Variants in WIF1 observed in about 807,000 individuals in gnomAD.
The protein encoded by WIF1 is Wnt inhibitory factor 1.
A neutral mutation model predicts 53.5 loss-of-function variants in WIF1; 35 were observed. That is an observed-to-expected ratio of 0.65 (90% CI 0.50 to 0.87). The LOEUF (loss-of-function observed/expected upper bound fraction) is 0.87. Ranked by LOEUF, WIF1 falls within the 40% of genes least tolerant of loss-of-function variation. The pLI, the probability that WIF1 is intolerant of heterozygous loss-of-function variation, is 0.00. For synonymous variants in WIF1, 171 were observed against 170.4 expected (o/e 1.00, Z -0.03); for missense variants, 467 against 476.8 (o/e 0.98, Z 0.19).
intron 2 of WIF1, among the ~76,000 whole-genome samples, chr12:65,079,271 TAAAATGAA>T (rs1882912586): frequency 6.6e-6 from 1 of 150,934 alleles, no homozygotes; most frequent in South Asian, 2.1e-4. Context: ...ATGACTTTGA[TAAAATGAA>T]CTCCTTGAGA....
chr12:65,107,845 C>T (rs1883373060), intron 2 of WIF1, among the ~76,000 whole-genome samples: 1 of 152,216 alleles, frequency 6.6e-6, no homozygotes, highest in Non-Finnish European at 1.5e-5. Flanking sequence ...GAAGAACTGA[C>T]TTGCTCTGTC....
chr12:65,081,668 G>T (rs1418995502), intron 2 of WIF1, among the ~76,000 whole-genome samples: 3 of 152,036 alleles, frequency 2.0e-5, no homozygotes, highest in Non-Finnish European at 4.4e-5. Context: ...TTCTTTCTTG[G>T]ATCTTATCAG....
Position 65,120,690 on chromosome 12 carries a change from C to T in WIF1, c.149-134G>A, listed in dbSNP as rs939527244. The T allele has an allele frequency of 3.6e-5, 37 of 1,023,830 alleles. No homozygotes were observed. In the African/African-American group the frequency reaches 5.8e-4, roughly 16 times the overall value. The allele number at this position is 1,023,830 out of a possible 1,614,324, so 63.4% of individuals were successfully genotyped here. ...CACAAGCATCTGCCTTCAGTACCAT[C>T]AACGCTACTAAGATTAATTTTTCTC... On this transcript the variant is annotated intron_variant, in intron 1 of 9. Coordinates refer to ENST00000286574, the MANE Select transcript of WIF1 (RefSeq NM_007191.5).
intron 7 of WIF1, among the ~76,000 whole-genome samples, chr12:65,061,933 T>G (rs1882618128): frequency 6.6e-6 from 1 of 152,244 alleles, no homozygotes; most frequent in Admixed American, 6.5e-5. Context: ...CTGGTTACTT[T>G]CACTTAGTAT....
At chr12:65,105,887 G>T (rs898123763) in intron 2 of WIF1, among the ~76,000 whole-genome samples, 2 of 152,178 alleles carry the variant, frequency 1.3e-5, no homozygotes, top group Non-Finnish European at 2.9e-5. Context: ...AAGTGACAAA[G>T]TTCAATGCCA....
chr12:65,110,017 C>G (rs867357930), intron 2 of WIF1, among the ~76,000 whole-genome samples: 1 of 152,104 alleles, frequency 6.6e-6, no homozygotes, highest in Non-Finnish European at 1.5e-5. Flanking sequence ...AATCTGGAGA[C>G]AGATCTTGCA....
At position 65,072,022 on chromosome 12, in the gene WIF1, T is replaced by C. The variant is rs919129892; in HGVS notation, c.398-3118A>G. ...TGTGCAAACCCTACTTGTCTTCGTT[T>C]CTGTTTATATAAACTTTATCTATAA... is the stretch of plus-strand genomic sequence containing the variant. On this transcript the variant is annotated intron_variant, in intron 3 of 9. Coordinates refer to ENST00000286574, the MANE Select transcript of WIF1 (RefSeq NM_007191.5). 5.9e-5 allele frequency among the ~76,000 whole-genome samples: 9 copies of C among 152,180 alleles called. No individual in the cohort carries two copies. In the South Asian group the frequency reaches 8.3e-4, roughly 14 times the overall value.
At chr12:65,106,030 A>G (rs1250927745) in intron 2 of WIF1, among the ~76,000 whole-genome samples, 1 of 152,144 alleles carries the variant, frequency 6.6e-6, no homozygotes, top group Non-Finnish European at 1.5e-5. Context: ...GACAGATTGC[A>G]CTCAAATCTG....
chr12:65,114,360 T>C (rs571837937), intron 2 of WIF1, among the ~76,000 whole-genome samples: 40 of 152,186 alleles, frequency 2.6e-4, no homozygotes, highest in Non-Finnish European at 4.1e-4. Context: ...CTGTTTTTTA[T>C]AAAATTAGCA....
intron 4 of WIF1, 137 bp downstream of exon 4, chr12:65,068,627 T>C (rs1882723519): frequency 2.6e-6 from 3 of 1,162,348 alleles, no homozygotes; most frequent in Non-Finnish European, 3.6e-6. Context: ...GCTGTAGTTA[T>C]AGAGCCATCA....
intron 3 of WIF1, among the ~76,000 whole-genome samples, chr12:65,070,304 G>A (rs1882753963): frequency 6.6e-6 from 1 of 151,998 alleles, no homozygotes. Flanking sequence ...TGATGAAAAG[G>A]AAACACAGAT....
At chr12:65,097,019 T>TAA (rs11301288) in intron 2 of WIF1, among the ~76,000 whole-genome samples, 3 of 137,692 alleles carry the variant, frequency 2.2e-5, no homozygotes, top group Admixed American at 1.5e-4. Flanking sequence ...TCCTGGAACT[T>TAA]AAAAAAAAAA....
intron 2 of WIF1, among the ~76,000 whole-genome samples, chr12:65,080,737 C>T (rs563035564): frequency 6.6e-6 from 1 of 151,896 alleles, no homozygotes; most frequent in East Asian, 1.9e-4. Flanking sequence ...CACCATGTGC[C>T]AAAACATTCT....
At chr12:65,057,632 T>G (rs1442607845) in intron 7 of WIF1, among the ~76,000 whole-genome samples, 1 of 152,178 alleles carries the variant, frequency 6.6e-6, no homozygotes, top group Non-Finnish European at 1.5e-5. Context: ...GTTCTTTTTC[T>G]TTTCTTTTTA....
chr12:65,088,243 C>T (rs1486395391), intron 2 of WIF1, among the ~76,000 whole-genome samples: 1 of 152,116 alleles, frequency 6.6e-6, no homozygotes, highest in African/African-American at 2.4e-5. Context: ...TAGTTTTCCC[C>T]CAGGTATGCT....
At chr12:65,113,115 C>T (rs1033898913) in intron 2 of WIF1, among the ~76,000 whole-genome samples, 3 of 152,168 alleles carry the variant, frequency 2.0e-5, no homozygotes, top group Admixed American at 1.3e-4. Flanking sequence ...AAAGGCTGCA[C>T]GGGAGAACAA....
chr12:65,086,306 A>G (rs1883036936), intron 2 of WIF1, among the ~76,000 whole-genome samples: 1 of 152,128 alleles, frequency 6.6e-6, no homozygotes, highest in African/African-American at 2.4e-5. Context: ...AGCTTCCAGG[A>G]CAAGTGCCTC....
intron 4 of WIF1, among the ~76,000 whole-genome samples, chr12:65,068,422 A>G (rs572844390): frequency 6.6e-6 from 1 of 152,268 alleles, no homozygotes; most frequent in South Asian, 2.1e-4. Context: ...AAACAGAGCA[A>G]GAAAGGGGGA....
At chr12:65,112,300 C>T (rs1001209692) in intron 2 of WIF1, among the ~76,000 whole-genome samples, 1 of 151,914 alleles carries the variant, frequency 6.6e-6, no homozygotes, top group African/African-American at 2.4e-5. Flanking sequence ...CTTATTTAAG[C>T]TCCCTTTTAT....
Sources: gnomAD v4.1 joint callset for allele counts (sites outside exome capture counted in the v4.1 genomes callset) on GRCh38, gnomAD v4.1.1 for gene constraint, MANE v1.5 for transcripts, NCBI Gene and HGNC (gene_info 2026-07-23, HGNC 2026-07-21) for gene names.